Variants in C1orf198 observed in about 807,000 individuals in gnomAD.
C1orf198 encodes chromosome 1 open reading frame 198.
A neutral mutation model predicts 31.4 loss-of-function variants in C1orf198; 17 were observed. The ratio of observed to expected loss-of-function variants is 0.54; its 90% confidence interval spans 0.37 to 0.81. The LOEUF (loss-of-function observed/expected upper bound fraction) is 0.81. Ranked by LOEUF, C1orf198 falls within the 40% of genes least tolerant of loss-of-function variation. C1orf198 has a pLI of 0.00. For synonymous variants in C1orf198, 175 were observed against 193.8 expected (o/e 0.90, Z 0.81); for missense variants, 401 against 450.3 (o/e 0.89, Z 0.99).
At chr1:230,865,021 G>C (rs1048025902) in intron 1 of C1orf198, among the ~76,000 whole-genome samples, 3 of 152,184 alleles carry the variant, frequency 2.0e-5, no homozygotes, top group African/African-American at 7.2e-5. Context: ...GTGGGTGAAA[G>C]ACTGTCAAAA....
At chr1:230,858,451 C>T (rs1572137291) in intron 1 of C1orf198, among the ~76,000 whole-genome samples, 1 of 152,232 alleles carries the variant, frequency 6.6e-6, no homozygotes, top group Non-Finnish European at 1.5e-5. Flanking sequence ...AGCCTCCACA[C>T]CCCACACTCA....
Position 230,839,527 on chromosome 1 carries a change from T to C in C1orf198, c.*325A>G. On this transcript the variant is annotated 3_prime_UTR_variant, in exon 4 of 4. Coordinates refer to ENST00000366663, the MANE Select transcript of C1orf198 (RefSeq NM_032800.3). ...AATCACTTATATGATTTTTGTGACA[T>C]GGTTGAAACACATCCTTTGAGGAGG... 3.9e-6 allele frequency: 1 copy of C among 255,138 alleles called. No homozygotes were observed. The allele number at this position is 255,138 out of a possible 1,614,324, so 15.8% of individuals were successfully genotyped here. A position where few individuals can be genotyped will look rare whatever the true frequency, so the allele number is the denominator to read the frequency against.
chr1:230,852,849 A>T (rs1172821344), intron 2 of C1orf198, among the ~76,000 whole-genome samples: 1 of 152,252 alleles, frequency 6.6e-6, no homozygotes, highest in East Asian at 1.9e-4. Context: ...CAAGAGGTGC[A>T]ATCTCTTTCC....
At position 230,851,046 on chromosome 1, in the gene C1orf198, A is replaced by G. The variant is rs1216014353; in HGVS notation, c.384+4622T>C. On this transcript the variant is annotated intron_variant, in intron 2 of 3. Transcript: ENST00000366663. ...CCAAGGGTGAAAGAATTCAGAGTACACACACATCCCTATCATGGGCACAGC... is the reference window on the plus strand; with the variant it reads ...CCAAGGGTGAAAGAATTCAGAGTACGCACACATCCCTATCATGGGCACAGC... Among the ~76,000 whole-genome samples, 4 of 151,646 alleles carry G rather than the reference A, an allele frequency of 2.6e-5. No homozygotes were observed. In the East Asian group the frequency reaches 7.9e-4, roughly 30 times the overall value.
At chr1:230,855,051 C>T (rs893936340) in intron 2 of C1orf198, among the ~76,000 whole-genome samples, 2 of 152,156 alleles carry the variant, frequency 1.3e-5, no homozygotes, top group Non-Finnish European at 2.9e-5. Context: ...GGGTTAAAGA[C>T]ACCTGTCTTT....
At position 230,838,339 on chromosome 1, in the gene C1orf198, G is replaced by C. The variant is rs1312173944; in HGVS notation, c.*1513C>G. On this transcript the variant is annotated 3_prime_UTR_variant, in exon 4 of 4. Coordinates refer to ENST00000366663, the MANE Select transcript of C1orf198 (RefSeq NM_032800.3). This position sits in a 1 kb window ranked among gnomAD's most constrained non-coding sequence, Gnocchi z 4.2. Reference sequence around the variant, plus strand: ...ACTATACCCCAAGGATCCAAATGAGGTTTAGGGACATAAAACAATTGGCAA... The same window carrying C: ...ACTATACCCCAAGGATCCAAATGAGCTTTAGGGACATAAAACAATTGGCAA... 6.6e-6 allele frequency: 1 copy of C among 152,272 alleles called. No individual in the cohort carries two copies. Among genetic ancestry groups the C allele is most frequent in the East Asian group, 1.9e-4 (1 of 5,198 alleles). The allele number at this position is 152,272 out of a possible 1,614,324, so 9.4% of individuals were successfully genotyped here.
chr1:230,848,217 G>T (rs936147066), intron 2 of C1orf198, among the ~76,000 whole-genome samples: 4 of 152,186 alleles, frequency 2.6e-5, no homozygotes, highest in Non-Finnish European at 5.9e-5. Context: ...TAGTTTAGGG[G>T]GTCTGGAGGT....
chr1:230,840,020 T>A lies in C1orf198; in HGVS notation c.928-112A>T. ...ACCCAGATAAAAGAGCCTACTTCTG[T>A]CTCAGAGGTTCCCTGACCTCAATTT... On this transcript the variant is annotated intron_variant, in intron 3 of 3. Coordinates refer to ENST00000366663, the MANE Select transcript of C1orf198 (RefSeq NM_032800.3). This position sits in a 1 kb window ranked among gnomAD's most constrained non-coding sequence, Gnocchi z 4.0. 1 of 876,090 alleles carries A rather than the reference T, an allele frequency of 1.1e-6. No individual in the cohort carries two copies. Among genetic ancestry groups the A allele is most frequent in the Non-Finnish European group, 1.8e-6 (1 of 569,446 alleles). 54.3% of individuals were successfully genotyped at this position (876,090 alleles called of 1,614,324 possible). A position where few individuals can be genotyped will look rare whatever the true frequency, so the allele number is the denominator to read the frequency against.
intron 2 of C1orf198, among the ~76,000 whole-genome samples, chr1:230,847,034 C>G (rs936525449): frequency 1.4e-5 from 2 of 142,300 alleles, no homozygotes; most frequent in African/African-American, 5.5e-5. Context: ...ACCCGGGAGG[C>G]GAAGCTTGCA....
chr1:230,868,650 C>T (rs1670184945), upstream of C1orf198: 6 of 640,288 alleles, frequency 9.4e-6, no homozygotes, highest in South Asian at 6.8e-5. Flanking sequence ...TCCAAGCCAA[C>T]CCAGCTCCCC....
In C1orf198 at chr1:230,843,215, T is replaced by C. The variant is rs1010537621; in HGVS notation, c.927+139A>G. The C allele has an allele frequency of 1.0e-4, 107 of 1,027,628 alleles. No homozygotes were observed. The highest frequency in any genetic ancestry group is 7.9e-4 in the Middle Eastern group (3 of 3,814). 63.7% of individuals were successfully genotyped at this position (1,027,628 alleles called of 1,614,324 possible). ...TGGCTCAGCACCCTGAGCCTAGGCA[T>C]CCTCTGAGGAAGAGGCAGGGGAAGG... On this transcript the variant is annotated intron_variant, in intron 3 of 3. Coordinates refer to ENST00000366663, the MANE Select transcript of C1orf198 (RefSeq NM_032800.3). This position sits in a 1 kb window ranked among gnomAD's most constrained non-coding sequence, Gnocchi z 4.9.
intron 1 of C1orf198, among the ~76,000 whole-genome samples, chr1:230,864,767 C>G (rs1670079925): frequency 6.6e-6 from 1 of 152,134 alleles, no homozygotes; most frequent in South Asian, 2.1e-4. Context: ...TCACAGAACG[C>G]AGAACCCTGT....
At chr1:230,855,214 T>G (rs562324889) in intron 2 of C1orf198, among the ~76,000 whole-genome samples, 16 of 152,324 alleles carry the variant, frequency 1.1e-4, no homozygotes, top group Admixed American at 9.1e-4. Context: ...GAATTAGTGA[T>G]CCACGTTGGG....
rs1180081882 is a variant in C1orf198, at chr1:230,857,424, C to T, written c.334-1706G>A. Among the ~76,000 whole-genome samples the T allele has an allele frequency of 6.6e-6, 1 of 152,206 alleles. No individual in the cohort carries two copies. Among genetic ancestry groups the T allele is most frequent in the Non-Finnish European group, 1.5e-5 (1 of 68,038 alleles). Reference sequence around the variant, plus strand: ...ACAGGTTGATTTTCCCCCACAATCACCCGCTCCCAACACTCACACTCCCCC... The same window carrying T: ...ACAGGTTGATTTTCCCCCACAATCATCCGCTCCCAACACTCACACTCCCCC... On this transcript the variant is annotated intron_variant, in intron 1 of 3. Transcript: ENST00000366663. This position sits in a 1 kb window ranked among gnomAD's most constrained non-coding sequence, Gnocchi z 4.2.
upstream of C1orf198, chr1:230,868,731 C>T: frequency 5.2e-6 from 1 of 194,074 alleles, no homozygotes; most frequent in Non-Finnish European, 1.0e-5. Context: ...CCCCCGCCAC[C>T]CCCTCGCGGA....
At chr1:230,859,217 G>A (rs1184794317) in intron 1 of C1orf198, among the ~76,000 whole-genome samples, 1 of 152,122 alleles carries the variant, frequency 6.6e-6, no homozygotes, top group Non-Finnish European at 1.5e-5. Context: ...TTGCAAAGTG[G>A]CGGCACCCAC....
At position 230,843,948 on chromosome 1, in the gene C1orf198, G is replaced by A. The variant is rs143991937; in HGVS notation, c.385-52C>T. The A allele has an allele frequency of 4.3e-4, 642 of 1,484,992 alleles. 10 individuals carry two copies. In the East Asian group the frequency reaches 0.014, roughly 32 times the overall value. 92.0% of individuals were successfully genotyped at this position (1,484,992 alleles called of 1,614,324 possible). On this transcript the variant is annotated intron_variant, in intron 2 of 3. Transcript: ENST00000366663. This position sits in a 1 kb window ranked among gnomAD's most constrained non-coding sequence, Gnocchi z 4.9. Reference sequence around the variant, plus strand: ...AAAAAAGAAAGAGATCCTGAGAATCGACCGTCACAAGTGTGCCAGCTCACG... The same window carrying A: ...AAAAAAGAAAGAGATCCTGAGAATCAACCGTCACAAGTGTGCCAGCTCACG...
At chr1:230,868,150 A>G in intron 1 of C1orf198, 30 bp downstream of exon 1, 51 of 908,384 alleles carry the variant, frequency 5.6e-5, no homozygotes, top group East Asian at 1.3e-4. Context: ...CCGGGAGGGG[A>G]AGAGGGTCCG....
At chr1:230,856,120 T>C (rs948276208) in intron 1 of C1orf198, 3 of 386,354 alleles carry the variant, frequency 7.8e-6, no homozygotes, top group Non-Finnish European at 1.1e-5. Context: ...AGTTTTCTCA[T>C]TTGTAAAAGC....
Sources: gnomAD v4.1 joint callset for allele counts (sites outside exome capture counted in the v4.1 genomes callset) on GRCh38, gnomAD v4.1.1 for gene constraint, Gnocchi (gnomAD v3.1) non-coding constraint, MANE v1.5 for transcripts, NCBI Gene and HGNC (gene_info 2026-07-23, HGNC 2026-07-21) for gene names.